PLXNA3: variants seen among roughly 807,000 people sequenced by gnomAD.
PLXNA3 encodes the protein plexin-A3.
PLXNA3 carries 52 observed loss-of-function variants against 118.8 expected under a neutral mutation model. The observed-to-expected ratio is 0.44, with a 90% CI of 0.35 to 0.55. The LOEUF (loss-of-function observed/expected upper bound fraction) is 0.55. PLXNA3 is among the 20% of genes least tolerant of loss of function. The probability of loss-of-function intolerance (pLI) is 0.01; values close to 1 mark genes in which losing one functional copy is unlikely to be tolerated. For synonymous variants in PLXNA3, 925 were observed against 762.4 expected, an observed-to-expected ratio of 1.21 and a Z score of -3.51; for missense variants, 1,660 against 1,730.8, an observed-to-expected ratio of 0.96 and a Z score of 0.73.
chrX:154,470,182 C>T lies in PLXNA3; in HGVS notation c.4986+15C>T. On this transcript the variant is annotated intron_variant, in intron 29 of 32. Coordinates refer to ENST00000369682, the MANE Select transcript of PLXNA3 (RefSeq NM_017514.5). ...TGGCCACCAAGGTATGGGCCTGCCT[C>T]TCGCCACCTTGGCCTCCGCCCAGAG... 8.3e-7 allele frequency: 1 copy of T among 1,201,704 alleles called. No homozygotes were observed. The highest frequency in any genetic ancestry group is 1.1e-6 in the Non-Finnish European group (1 of 888,699).
rs2069034348 is a variant in PLXNA3 at position 154,464,245 on chromosome X, T to C, written c.1760T>C (p.Leu587Pro). ...EAAAENEAVL[L>P]PSGELLCPSP... is the part of the protein sequence containing the mutation. ...GCGGCGGAGAACGAGGCGGTCCTGCTGCCCTCCGGTGAACTGCTCTGCCCC... is the reference window on the plus strand; with the variant it reads ...GCGGCGGAGAACGAGGCGGTCCTGCCGCCCTCCGGTGAACTGCTCTGCCCC... The change falls in exon 8 of 33, where the codon CTG becomes CCG. Residue 587 changes from leucine to proline, a missense_variant. Coordinates refer to ENST00000369682, the MANE Select transcript of PLXNA3 (RefSeq NM_017514.5). The C allele has an allele frequency of 1.7e-6, 2 of 1,207,173 alleles. No homozygotes were observed. The highest frequency in any genetic ancestry group is 2.2e-5 in the Admixed American group (1 of 45,868).
Position 154,460,422 on chromosome X carries a change from C to G in PLXNA3, c.239C>G (p.Pro80Arg). The G allele has an allele frequency of 8.3e-7, 1 of 1,203,336 alleles. No individual in the cohort carries two copies. The highest frequency in any genetic ancestry group is 1.1e-6 in the Non-Finnish European group (1 of 890,209). Residue 80 changes from proline (P) to arginine (R), a missense_variant, in exon 2 of 33, where the codon CCC becomes CGC. This residue lies in a region of PLXNA3 where 791 missense variants were observed against 652.1 expected (regional missense o/e 1.21). Coordinates refer to ENST00000369682, the MANE Select transcript of PLXNA3 (RefSeq NM_017514.5). Reference protein sequence around the residue: ...PVEDNARCYPPPSMRVCAHRL... With the variant: ...PVEDNARCYPRPSMRVCAHRL... Reference sequence around the variant, plus strand: ...GAGGACAACGCTCGCTGCTACCCGCCCCCCAGCATGCGCGTGTGTGCCCAC... The same window carrying G: ...GAGGACAACGCTCGCTGCTACCCGCGCCCCAGCATGCGCGTGTGTGCCCAC...
chrX:154,462,781 G>C (rs1181682112), intron 4 of PLXNA3, among the ~76,000 whole-genome samples: 5 of 110,992 alleles, frequency 4.5e-5, no homozygotes, highest in African/African-American at 1.6e-4. Flanking sequence ...GCTTCCATTG[G>C]GGATCTGGGG....
rs201041379 is a variant in PLXNA3, at chrX:154,468,135, G to A, written c.3874G>A (p.Val1292Met). 2 of 1,193,255 alleles carry A rather than the reference G, an allele frequency of 1.7e-6. No individual in the cohort carries two copies. The highest frequency in any genetic ancestry group is 3.5e-5 in the African/African-American group (2 of 57,093). The stretch of plus-strand genomic sequence containing the variant: ...TGAGCTGACTAACCACATGGACGAG[G>A]TGCAGATCCCCTTCCTGGACTACCG... ...INELTNHMDE[V>M]QIPFLDYRTY... is the part of the protein sequence containing the mutation. Residue 1292 changes from valine to methionine, a missense_variant, in exon 22 of 33, where the codon GTG (valine) becomes ATG (methionine). Around this residue, in one of 2 missense-constraint regions of PLXNA3, gnomAD observed 869 missense variants for 1,078.7 expected, o/e 0.81. Coordinates refer to ENST00000369682, the MANE Select transcript of PLXNA3 (RefSeq NM_017514.5).
In PLXNA3 at chrX:154,463,412, G is replaced by A. The variant is rs1557205482; in HGVS notation, c.1339G>A (p.Asp447Asn). ...LKKVRVDGFQ[D>N]AHLYETVPVV... ...TCAGGTGCGGGTCGATGGCTTCCAG[G>A]ATGCCCACCTGTATGAGACAGTCCC... Residue 447 changes from aspartate (D) to asparagine (N), a missense_variant, in exon 5 of 33, where the codon GAT becomes AAT. By Grantham distance (23) the Asp-to-Asn change is conservative. Transcript: ENST00000369682. 2 of 1,208,186 alleles carry A rather than the reference G, an allele frequency of 1.7e-6. No individual in the cohort carries two copies. Among genetic ancestry groups the A allele is most frequent in the African/African-American group, 3.5e-5 (2 of 56,654 alleles).
chrX:154,464,067 G>C lies in PLXNA3; in HGVS notation c.1664G>C (p.Gly555Ala). Residue 555 changes from glycine to alanine, a missense_variant, in exon 7 of 33, where the codon GGG becomes GCG. This residue lies in a region of PLXNA3 where 791 missense variants were observed against 652.1 expected (regional missense o/e 1.21). Coordinates refer to ENST00000369682, the MANE Select transcript of PLXNA3 (RefSeq NM_017514.5). ...AACAATGTGTCAGTGACGTCACCTG[G>C]GGTGCAGGTGAGCAGCTTGGGGGTG... ...RPNNVSVTSPGVQLTVTLHNV... is the reference protein window; with the variant it reads ...RPNNVSVTSPAVQLTVTLHNV... 8.3e-7 allele frequency: 1 copy of C among 1,210,809 alleles called. No homozygotes were observed. Among genetic ancestry groups the C allele is most frequent in the Non-Finnish European group, 1.1e-6 (1 of 894,975 alleles).
chrX:154,467,093 G>C lies in PLXNA3; in HGVS notation c.3144G>C (p.Leu1048=). 8.3e-7 allele frequency: 1 copy of C among 1,210,566 alleles called. No homozygotes were observed. Among genetic ancestry groups the C allele is most frequent in the Non-Finnish European group, 1.1e-6 (1 of 895,055 alleles). ...STAITVSGTH[L]LTVQEPRVRA... The stretch of plus-strand genomic sequence containing the variant: ...CCATCACTGTGAGTGGGACCCACCT[G>C]CTGACGGTCCAGGAGCCCCGGGTCC... The change falls in exon 18 of 33, where the codon CTG becomes CTC. Residue 1048 remains leucine (L), a synonymous_variant. Coordinates refer to ENST00000369682, the MANE Select transcript of PLXNA3 (RefSeq NM_017514.5).
chrX:154,460,963 C>T lies in PLXNA3; in HGVS notation c.595-136C>T, dbSNP rs781977259. On this transcript the variant is annotated intron_variant, in intron 2 of 32. Transcript: ENST00000369682. The stretch of plus-strand genomic sequence containing the variant: ...CCCTGTGTGCAGGGAGGCTGGTCAC[C>T]CTGCCCTCTGCAGCCTTTCTGGCCT... 11 of 672,134 alleles carry T rather than the reference C, an allele frequency of 1.6e-5. No homozygotes were observed. In the African/African-American group the frequency reaches 2.4e-4, roughly 15 times the overall value. The allele number at this position is 672,134 out of a possible 1,213,427, so 55.4% of individuals were successfully genotyped here.
chrX:154,463,278 C>A, intron 4 of PLXNA3, 113 bp from the exon 5 acceptor site: 1 of 1,077,623 alleles, frequency 9.3e-7, no homozygotes, highest in Non-Finnish European at 1.3e-6. Context: ...GAGTGCTGAA[C>A]CCCACCAGGT....
Position 154,474,527 on chromosome X carries a change from G to C in PLXNA3, c.*1842G>C, listed in dbSNP as rs1417002703. 9.3e-6 allele frequency: 1 copy of C among 107,055 alleles called. No homozygotes were observed. Among genetic ancestry groups the C allele is most frequent in the African/African-American group, 3.4e-5 (1 of 29,279 alleles). 8.8% of individuals were successfully genotyped at this position (107,055 alleles called of 1,213,427 possible). A position where few individuals can be genotyped will look rare whatever the true frequency, so the allele number is the denominator to read the frequency against. On this transcript the variant is annotated 3_prime_UTR_variant, in exon 33 of 33. Transcript: ENST00000369682. ...GAGTGTCGCTCTGTCGCCCAGGCTGGAGTGCAGTGGCATGATCTCGGCTCA... is the reference window on the plus strand; with the variant it reads ...GAGTGTCGCTCTGTCGCCCAGGCTGCAGTGCAGTGGCATGATCTCGGCTCA...
Position 154,467,299 on chromosome X carries a change from A to G in PLXNA3, c.3269A>G (p.Gln1090Arg). The change falls in exon 19 of 33, where the codon CAG (glutamine) becomes CGG (arginine). Residue 1090 changes from glutamine to arginine, a missense_variant. Transcript: ENST00000369682. ...CCCGGCATCTTTCTTGGGCGGCCCCAGCCTCGGGCGCAAGGCGAGCACCCT... is the reference window on the plus strand; with the variant it reads ...CCCGGCATCTTTCTTGGGCGGCCCCGGCCTCGGGCGCAAGGCGAGCACCCT... The part of the protein sequence containing the change: ...KAPGIFLGRP[Q>R]PRAQGEHPDE... 1 of 1,208,525 alleles carries G rather than the reference A, an allele frequency of 8.3e-7. No individual in the cohort carries two copies. Among genetic ancestry groups the G allele is most frequent in the Non-Finnish European group, 1.1e-6 (1 of 895,402 alleles).
Position 154,461,569 on chromosome X carries a change from C to G in PLXNA3, c.1065C>G (p.Ser355=), listed in dbSNP as rs371524072. 6.6e-6 allele frequency: 8 copies of G among 1,207,012 alleles called. No homozygotes were observed. The highest frequency in any genetic ancestry group is 1.7e-5 in the African/African-American group (1 of 57,662). ...INAHIRRRIQ[S]CYRGEGTLAL... ...CCCACATCCGGCGCCGCATCCAGTCCTGCTATCGTGGGGAGGGCACTCTGG... is the reference window on the plus strand; with the variant it reads ...CCCACATCCGGCGCCGCATCCAGTCGTGCTATCGTGGGGAGGGCACTCTGG... Residue 355 remains serine (S), a synonymous_variant, in exon 3 of 33, where the codon TCC becomes TCG. Transcript: ENST00000369682.
At chrX:154,462,426 C>T (rs1603390795) in intron 4 of PLXNA3, 116 bp downstream of exon 4, 2 of 584,422 alleles carry the variant, frequency 3.4e-6, no homozygotes, top group African/African-American at 2.4e-5. Flanking sequence ...ACGGCTGGTG[C>T]AGGGAGGGAG....
intron 4 of PLXNA3, 42 bp from the exon 5 acceptor site, chrX:154,463,349 T>C (rs1366967529): frequency 9.9e-6 from 12 of 1,209,088 alleles, no homozygotes; most frequent in Non-Finnish European, 1.3e-5. Flanking sequence ...GTGTCCCAGG[T>C]GCAGGAGGCT....
Position 154,460,754 on chromosome X carries a change from G to T in PLXNA3, c.571G>T (p.Asp191Tyr), listed in dbSNP as rs142962002. 11 of 1,120,513 alleles carry T rather than the reference G, an allele frequency of 9.8e-6. No homozygotes were observed. In the African/African-American group the frequency reaches 1.6e-4, roughly 17 times the overall value. The allele number at this position is 1,120,513 out of a possible 1,213,427, so 92.3% of individuals were successfully genotyped here. ...LSSRKLISDE[D>Y]SADMFSLVYQ... The stretch of plus-strand genomic sequence containing the variant: ...CTCCCGCAAGCTCATCAGTGATGAA[G>T]ACAGCGCGGACATGTTCAGTCTCGT... Residue 191 changes from aspartate (D) to tyrosine (Y), a missense_variant, in exon 2 of 33, where the codon GAC becomes TAC. Asp to Tyr is a radical substitution (Grantham distance 160). Coordinates refer to ENST00000369682, the MANE Select transcript of PLXNA3 (RefSeq NM_017514.5).
In PLXNA3 at chrX:154,473,553, C is replaced by T. The variant is rs1316815156; in HGVS notation, c.*868C>T. 8.8e-6 allele frequency: 1 copy of T among 113,396 alleles called. No homozygotes were observed. Among genetic ancestry groups the T allele is most frequent in the East Asian group, 2.8e-4 (1 of 3,625 alleles). The allele number at this position is 113,396 out of a possible 1,213,427, so 9.3% of individuals were successfully genotyped here. A position where few individuals can be genotyped will look rare whatever the true frequency, so the allele number is the denominator to read the frequency against. On this transcript the variant is annotated 3_prime_UTR_variant, in exon 33 of 33. Transcript: ENST00000369682. ...GAGGAATCTGGCCCTGTCTGACAGT[C>T]CCAGACCCCCCGTTCTCTCCTCTTT...
In PLXNA3 at chrX:154,472,728, G is replaced by T; in HGVS notation, c.*43G>T. Reference sequence around the variant, plus strand: ...GGAGGGGGCTTCTCAGTCCTGTGCCGTCCTCCCATCCAGGGGAGTGGCTGG... The same window carrying T: ...GGAGGGGGCTTCTCAGTCCTGTGCCTTCCTCCCATCCAGGGGAGTGGCTGG... On this transcript the variant is annotated 3_prime_UTR_variant, in exon 33 of 33. Coordinates refer to ENST00000369682, the MANE Select transcript of PLXNA3 (RefSeq NM_017514.5). The T allele has an allele frequency of 1.0e-6, 1 of 984,525 alleles. No individual in the cohort carries two copies. Among genetic ancestry groups the T allele is most frequent in the South Asian group, 1.9e-5 (1 of 51,599 alleles). The allele number at this position is 984,525 out of a possible 1,213,427, so 81.1% of individuals were successfully genotyped here.
intron 27 of PLXNA3, 92 bp from the exon 28 acceptor site, chrX:154,469,596 G>C: frequency 1.1e-6 from 1 of 924,096 alleles, no homozygotes; most frequent in Non-Finnish European, 1.6e-6. Context: ...TTCTCCCTGG[G>C]CTCGTGGGCT....
chrX:154,468,933 C>T lies in PLXNA3; in HGVS notation c.4398C>T (p.Asp1466=), dbSNP rs961026466. 3 of 1,210,392 alleles carry T rather than the reference C, an allele frequency of 2.5e-6. No individual in the cohort carries two copies. The highest frequency in any genetic ancestry group is 3.4e-6 in the Non-Finnish European group (3 of 895,396). The change falls in exon 25 of 33, where the codon GAC becomes GAT. Residue 1466 remains aspartate (D), a synonymous_variant. Coordinates refer to ENST00000369682, the MANE Select transcript of PLXNA3 (RefSeq NM_017514.5). ...AGGCACGATACTCCCTGAGCGAGGA[C>T]AAGCTCATCCGTCAGCAGATCGACT... ...TGEARYSLSE[D]KLIRQQIDYK...
Sources: gnomAD v4.1 joint callset for allele counts (sites outside exome capture counted in the v4.1 genomes callset) on GRCh38, gnomAD v4.1.1 for gene constraint, gnomAD v4.1.1 regional missense constraint, MANE v1.5 for transcripts, NCBI Gene and HGNC (gene_info 2026-07-23, HGNC 2026-07-21) for gene names.